The following THSD4 variants were observed in gnomAD, a reference collection of about 807,000 sequenced individuals.
THSD4 encodes the protein thrombospondin type 1 domain containing 4.
In THSD4, 69 loss-of-function variants were observed where a neutral mutation model predicts 119.0. That is an observed-to-expected ratio of 0.58 (90% CI 0.48 to 0.71). The LOEUF is 0.71. THSD4 is among the 30% of genes least tolerant of loss of function. THSD4 has a pLI of 0.00. For missense variants in THSD4, 1,393 were observed against 1,391.1 expected (o/e 1.00, Z -0.02); for synonymous variants, 524 against 540.4 (o/e 0.97, Z 0.42).
chr15:71,748,733 T>A, intron 14 of THSD4, 139 bp downstream of exon 14: 4 of 902,600 alleles, frequency 4.4e-6, no homozygotes, highest in Non-Finnish European at 6.5e-6. Flanking sequence ...AGAGAGGAAT[T>A]ATCGTAGGCT....
At chr15:71,636,247 C>T (rs946008325) in intron 7 of THSD4, among the ~76,000 whole-genome samples, 1 of 152,064 alleles carries the variant, frequency 6.6e-6, no homozygotes, top group Non-Finnish European at 1.5e-5. Flanking sequence ...CATGGTGAAA[C>T]CCCATCTCTA....
chr15:71,673,852 G>A (rs1167691483), intron 8 of THSD4, among the ~76,000 whole-genome samples: 1 of 152,130 alleles, frequency 6.6e-6, no homozygotes, highest in Non-Finnish European at 1.5e-5. Context: ...CGCCTCCCAG[G>A]TTCACACCAT....
intron 1 of THSD4, among the ~76,000 whole-genome samples, chr15:71,099,639 T>A (rs1472876734): frequency 6.6e-6 from 1 of 152,132 alleles, no homozygotes; most frequent in Non-Finnish European, 1.5e-5. Flanking sequence ...ATATTTTAAT[T>A]TTTATTCTGA....
intron 6 of THSD4, among the ~76,000 whole-genome samples, chr15:71,331,480 C>T (rs1027022830): frequency 4.6e-5 from 7 of 152,214 alleles, no homozygotes; most frequent in African/African-American, 1.2e-4. Flanking sequence ...TCTCCAAACA[C>T]ACTTACTAAA....
chr15:71,725,688 G>A (rs1205683594), intron 8 of THSD4, among the ~76,000 whole-genome samples: 1 of 152,192 alleles, frequency 6.6e-6, no homozygotes, highest in Non-Finnish European at 1.5e-5. Flanking sequence ...CAACATGGGG[G>A]TCTTGGTGAG....
At chr15:71,261,140 TA>T (rs1567173555) in intron 6 of THSD4, among the ~76,000 whole-genome samples, 1 of 152,090 alleles carries the variant, frequency 6.6e-6, no homozygotes. Context: ...AATTAAGATA[TA>T]AGTTTAGATG....
chr15:71,693,509 T>G (rs181602911), intron 8 of THSD4, among the ~76,000 whole-genome samples: 32 of 152,216 alleles, frequency 2.1e-4, no homozygotes, highest in Admixed American at 1.8e-3. Context: ...TAGCCAGGTG[T>G]TGTAGTGCAC....
intron 8 of THSD4, among the ~76,000 whole-genome samples, chr15:71,664,810 G>A (rs377197339): frequency 3.9e-5 from 6 of 152,246 alleles, no homozygotes; most frequent in African/African-American, 1.4e-4. Flanking sequence ...CCATGTTCCT[G>A]CAAAGGACAT....
intron 8 of THSD4, among the ~76,000 whole-genome samples, chr15:71,696,773 T>C (rs1353209657): frequency 6.6e-6 from 1 of 152,164 alleles, no homozygotes; most frequent in Non-Finnish European, 1.5e-5. Context: ...AAACTCATGC[T>C]TCCTTCCAGC....
At chr15:71,681,674 C>CAAAAAA (rs147593449) in intron 8 of THSD4, among the ~76,000 whole-genome samples, 1 of 100,162 alleles carries the variant, frequency 1.0e-5, no homozygotes, top group African/African-American at 3.7e-5. Flanking sequence ...AACTTCGTCT[C>CAAAAAA]AAAAAAAAAA....
At chr15:71,396,118 A>G (rs2046451482) in intron 6 of THSD4, among the ~76,000 whole-genome samples, 3 of 152,112 alleles carry the variant, frequency 2.0e-5, no homozygotes, top group South Asian at 4.2e-4. Context: ...AAACGTGTGG[A>G]TGTGCACACA....
chr15:71,114,374 T>A (rs1183953077), upstream of THSD4, among the ~76,000 whole-genome samples: 1 of 152,088 alleles, frequency 6.6e-6, no homozygotes, highest in Non-Finnish European at 1.5e-5. Context: ...ACCTGCACTT[T>A]CAAAACAACC....
intron 7 of THSD4, among the ~76,000 whole-genome samples, chr15:71,524,211 T>C (rs111455458): frequency 2.6e-5 from 4 of 152,322 alleles, no homozygotes; most frequent in African/African-American, 9.6e-5. Context: ...CAGGCTTGTT[T>C]CCAAGACCCC....
At chr15:71,341,037 CCT>C in intron 6 of THSD4, 1 of 689,134 alleles carries the variant, frequency 1.5e-6, no homozygotes, top group South Asian at 1.8e-5. Flanking sequence ...TCTTGCATTT[CCT>C]CTCTCTCCCA....
At chr15:71,296,501 G>A (rs927849618) in intron 6 of THSD4, among the ~76,000 whole-genome samples, 8 of 152,088 alleles carry the variant, frequency 5.3e-5, no homozygotes, top group East Asian at 3.9e-4. Context: ...CGGGCAAGAC[G>A]CACCTTCCTG....
intron 11 of THSD4, among the ~76,000 whole-genome samples, chr15:71,739,967 G>A (rs367872654): frequency 6.6e-6 from 1 of 151,862 alleles, no homozygotes; most frequent in African/African-American, 2.4e-5. Context: ...TTTCATAAGA[G>A]CATTGGCTTA....
chr15:71,425,179 A>G (rs2046852623), intron 7 of THSD4, among the ~76,000 whole-genome samples: 1 of 152,314 alleles, frequency 6.6e-6, no homozygotes, highest in South Asian at 2.1e-4. Context: ...CTTTACACAA[A>G]AGTGATTTTG....
In THSD4 at chr15:71,691,186, A is replaced by G. The variant is rs79216332; in HGVS notation, c.1357+30452A>G. Among the ~76,000 whole-genome samples the G allele has an allele frequency of 7.9e-3, 1,206 of 152,180 alleles. 11 individuals carry two copies. Among genetic ancestry groups the G allele is most frequent in the Non-Finnish European group, 0.011 (763 of 68,006 alleles). On this transcript the variant is annotated intron_variant, in intron 8 of 17. Transcript: ENST00000261862. ...TAGCAGCTGGAAAGGCAAGGAAACA[A>G]TTTTTCCCCTAAAGCTTCCGTAAAG...
chr15:71,714,626 C>T (rs895756394), intron 8 of THSD4, among the ~76,000 whole-genome samples: 4 of 152,070 alleles, frequency 2.6e-5, no homozygotes, highest in Non-Finnish European at 4.4e-5. Flanking sequence ...GGGGGTGGAT[C>T]ACTTGAGATC....
Sources: gnomAD v4.1 joint callset for allele counts (sites outside exome capture counted in the v4.1 genomes callset) on GRCh38, gnomAD v4.1.1 for gene constraint, MANE v1.5 for transcripts, NCBI Gene and HGNC (gene_info 2026-07-23, HGNC 2026-07-21) for gene names.